The following ZNF91 variants were observed in gnomAD, a reference collection of about 807,000 sequenced individuals.
The protein encoded by ZNF91 is zinc finger protein 91.
A neutral mutation model predicts 12.6 loss-of-function variants in ZNF91; 7 were observed. The observed-to-expected ratio is 0.55, with a 90% CI of 0.31 to 1.04. The LOEUF is 1.04. Among genes scored for constraint, ZNF91 ranks in the 50% least tolerant of loss-of-function variants. The pLI is 0.05. For synonymous variants in ZNF91, 453 were observed against 462.6 expected (o/e 0.98, Z 0.27); for missense variants, 1,217 against 1,385.4 (o/e 0.88, Z 1.93).
chr19:23,318,793 T>A (rs1011345581), intron 1 of ZNF91, among the ~76,000 whole-genome samples: 1 of 152,176 alleles, frequency 6.6e-6, no homozygotes, highest in Non-Finnish European at 1.5e-5. Context: ...GCCTGGTCAT[T>A]GCCCACAGGG....
At position 23,345,415 on chromosome 19, in the gene ZNF91, C is replaced by T. The variant is rs534346280; in HGVS notation, c.254-6361G>A. Among the ~76,000 whole-genome samples, 26 of 152,262 alleles carry T rather than the reference C, an allele frequency of 1.7e-4. 1 individual carries two copies. The South Asian group carries it at 3.9e-3, about 23-fold the overall frequency. ...ATAATGGGTCCAAATGGCCCACAAA[C>T]GGAACATTGGACTTTACAATTTTAA... On this transcript the variant is annotated intron_variant, in intron 3 of 3. Transcript: ENST00000599743.
At chr19:23,390,468 TG>T (rs57123476) in intron 1 of ZNF91, among the ~76,000 whole-genome samples, 7 of 152,002 alleles carry the variant, frequency 4.6e-5, no homozygotes, top group Non-Finnish European at 1.0e-4. Flanking sequence ...CACTTTATGG[TG>T]GGGGGGCGGA....
intron 1 of ZNF91, among the ~76,000 whole-genome samples, chr19:23,381,826 T>C (rs1326012686): frequency 1.3e-5 from 2 of 152,192 alleles, no homozygotes; most frequent in African/African-American, 2.4e-5. Flanking sequence ...TCATGGATAA[T>C]CAGGTTTCTG....
intron 1 of ZNF91, among the ~76,000 whole-genome samples, chr19:23,310,212 T>C (rs1467826423): frequency 2.6e-5 from 4 of 152,206 alleles, no homozygotes; most frequent in Non-Finnish European, 4.4e-5. Flanking sequence ...AGAACATGTC[T>C]TAACATGGCC....
At chr19:23,346,688 A>C (rs1968239702) in intron 3 of ZNF91, among the ~76,000 whole-genome samples, 1 of 152,006 alleles carries the variant, frequency 6.6e-6, no homozygotes, top group African/African-American at 2.4e-5. Context: ...GTTTTTGCCT[A>C]CCTCTCTAAA....
rs180864964 is a variant in ZNF91 at position 23,394,993 on chromosome 19, G to A, written c.30+332C>T. ...TAAAGTGCTTCCTATTCATGAGCCA[G>A]CACCTCCAGTCAGGATTCTCCCCTG... On this transcript the variant is annotated intron_variant, in intron 1 of 3. Coordinates refer to ENST00000300619, the MANE Select transcript of ZNF91 (RefSeq NM_003430.4). 1.5e-3 allele frequency among the ~76,000 whole-genome samples: 234 copies of A among 152,256 alleles called. 1 individual carries two copies. Among genetic ancestry groups the A allele is most frequent in the African/African-American group, 5.3e-3 (221 of 41,552 alleles).
chr19:23,349,454 G>A (rs1266853671), intron 3 of ZNF91, among the ~76,000 whole-genome samples: 1 of 152,076 alleles, frequency 6.6e-6, no homozygotes, highest in Non-Finnish European at 1.5e-5. Context: ...CCAAACTTTT[G>A]TCTTGGGGCC....
chr19:23,329,607 ACC>A (rs1967892338), intron 1 of ZNF91, among the ~76,000 whole-genome samples: 1 of 152,214 alleles, frequency 6.6e-6, no homozygotes, highest in Admixed American at 6.5e-5. Context: ...GATTCATTTT[ACC>A]CCTTTCACAA....
In ZNF91 at chr19:23,359,037, T is replaced by G. The variant is rs533978001; in HGVS notation, c.*366A>C. On this transcript the variant is annotated 3_prime_UTR_variant, in exon 4 of 4. Transcript: ENST00000300619. ...TGCCAAATTTTTCCTGTTTGTAGGG[T>G]TGCTGTCCAGTATGAATTTTCTTAT... is the stretch of plus-strand genomic sequence containing the variant. 13 of 531,102 alleles carry G rather than the reference T, an allele frequency of 2.4e-5. No homozygotes were observed. In the East Asian group the frequency reaches 5.9e-4, roughly 24 times the overall value. 32.9% of individuals were successfully genotyped at this position (531,102 alleles called of 1,614,324 possible).
chr19:23,361,707 A>C lies in ZNF91; in HGVS notation c.1272T>G (p.His424Gln). The change falls in exon 4 of 4, where the codon CAT becomes CAG. Residue 424 changes from histidine (H) to glutamine (Q), a missense_variant. By Grantham distance (24) the His-to-Gln change is conservative. Coordinates refer to ENST00000300619, the MANE Select transcript of ZNF91 (RefSeq NM_003430.4). ...GTTTCTCTCCAGTATGAATAAACTT[A>C]TGTATAGTAAGATTTGAAGATCGAT... Reference protein sequence around the residue: ...AFNRSSNLTIHKFIHTGEKPY... With the variant: ...AFNRSSNLTIQKFIHTGEKPY... The C allele has an allele frequency of 1.2e-6, 2 of 1,610,884 alleles. No homozygotes were observed. Among genetic ancestry groups the C allele is most frequent in the Non-Finnish European group, 1.7e-6 (2 of 1,178,060 alleles).
At chr19:23,322,844 TCCA>T (rs749939501) in intron 1 of ZNF91, among the ~76,000 whole-genome samples, 2,430 of 40,894 alleles carry the variant, frequency 0.059, 440 homozygotes, top group East Asian at 0.47. Flanking sequence ...CACCTCCTCC[TCCA>T]CTTCTCCCCC....
At chr19:23,384,389 C>T (rs892203910) in intron 1 of ZNF91, 3 of 234,024 alleles carry the variant, frequency 1.3e-5, no homozygotes, top group Non-Finnish European at 2.7e-5. Context: ...GCCGGAACCG[C>T]GCACAGCTAG....
downstream of ZNF91, among the ~76,000 whole-genome samples, chr19:23,354,275 A>C (rs1223095490): frequency 6.6e-6 from 1 of 152,230 alleles, no homozygotes; most frequent in Non-Finnish European, 1.5e-5. Flanking sequence ...ACCATGATCA[A>C]GCTGATTTCA....
Position 23,359,882 on chromosome 19 carries a change from G to T in ZNF91, c.3097C>A (p.Arg1033=). The change falls in exon 4 of 4, where the codon CGA becomes AGA. Residue 1033 remains arginine, a synonymous_variant. Coordinates refer to ENST00000300619, the MANE Select transcript of ZNF91 (RefSeq NM_003430.4). ...TTATGTGTAGTAAGCTTTGAGGATC[G>T]ATTAAAAGCTTTGCCACATTCTTCA... ...KCEECGKAFN[R]SSKLTTHKII... The T allele has an allele frequency of 2.5e-6, 4 of 1,586,638 alleles. No individual in the cohort carries two copies. Among genetic ancestry groups the T allele is most frequent in the Non-Finnish European group, 3.4e-6 (4 of 1,159,968 alleles).
rs1968677006 is a variant in ZNF91 at position 23,360,256 on chromosome 19, T to C, written c.2723A>G (p.Lys908Arg). ...TEHKRIHTRE[K>R]TYKCEECGKA... ...GCCACATTCTTCACATTTGTAGGTT[T>C]TCTCTCTGGTATGAATTCTCTTATG... is the stretch of plus-strand genomic sequence containing the variant. Residue 908 changes from lysine to arginine, a missense_variant, in exon 4 of 4, where the codon AAA (lysine) becomes AGA (arginine). By Grantham distance (26) the Lys-to-Arg change is conservative (BLOSUM62 2). Transcript: ENST00000300619. The C allele has an allele frequency of 3.1e-6, 5 of 1,613,906 alleles. No individual in the cohort carries two copies. Among genetic ancestry groups the C allele is most frequent in the Non-Finnish European group, 4.2e-6 (5 of 1,179,898 alleles).
chr19:23,370,950 T>A (rs1394714284), intron 3 of ZNF91, among the ~76,000 whole-genome samples: 2 of 152,228 alleles, frequency 1.3e-5, no homozygotes, highest in Non-Finnish European at 2.9e-5. Flanking sequence ...AAAACTTTTT[T>A]TCACACAAAG....
chr19:23,380,302 A>AAAAAAAAAAAAAAAG (rs554607914), intron 1 of ZNF91: 2 of 133,640 alleles, frequency 1.5e-5, no homozygotes, highest in African/African-American at 6.1e-5. Context: ...AAAAAAAAAA[A>AAAAAAAAAAAAAAAG]GAGTGAAGCT....
At chr19:23,365,220 C>G (rs897911098) in intron 3 of ZNF91, among the ~76,000 whole-genome samples, 7 of 150,536 alleles carry the variant, frequency 4.7e-5, no homozygotes, top group Admixed American at 2.7e-4. Context: ...AAATTTATTT[C>G]ACTTTAAAAA....
At chr19:23,331,561 GTGACAGTAAGTGCTGAAAACA>G (rs1327874065) in intron 1 of ZNF91, among the ~76,000 whole-genome samples, 4 of 152,176 alleles carry the variant, frequency 2.6e-5, no homozygotes, top group African/African-American at 9.6e-5. Flanking sequence ...TGGTCTTCTT[GTGACAGTAAGTGCTGAAAACA>G]GGGTAGTCAC....
Sources: allele counts gnomAD v4.1 joint callset (sites outside exome capture counted in the v4.1 genomes callset), GRCh38; gene constraint gnomAD v4.1.1; transcripts MANE v1.5; gene names NCBI Gene and HGNC (gene_info 2026-07-23, HGNC 2026-07-21).